Variants in CYP11B1 observed in about 807,000 individuals in gnomAD.
The protein encoded by CYP11B1 is cytochrome P450 family 11 subfamily B member 1, also known as cytochrome P450 11B1, mitochondrial.
In CYP11B1, 34 loss-of-function variants were observed where a neutral mutation model predicts 48.3. The observed-to-expected ratio is 0.70, with a 90% CI of 0.54 to 0.94. The LOEUF is 0.94. CYP11B1 is among the 40% of genes least tolerant of loss of function. The pLI is 0.00. For missense variants in CYP11B1, 688 were observed against 657.4 expected, an observed-to-expected ratio of 1.05 and a Z score of -0.51; for synonymous variants, 291 against 262.5, an observed-to-expected ratio of 1.11 and a Z score of -1.05.
chr8:142,876,109 A>C, intron 5 of CYP11B1, 132 bp downstream of exon 5: 2 of 1,351,522 alleles, frequency 1.5e-6, no homozygotes, highest in Non-Finnish European at 2.1e-6. Flanking sequence ...ATCACATCAC[A>C]ATCCCAAGTA....
intron 2 of CYP11B1, among the ~76,000 whole-genome samples, chr8:142,878,442 G>A (rs1211621921): frequency 3.9e-5 from 6 of 152,090 alleles, no homozygotes; most frequent in Non-Finnish European, 5.9e-5. Context: ...CTGACCAGGC[G>A]CCACCCTCTG....
rs781236242 is a variant in CYP11B1 at position 142,874,336 on chromosome 8, T to C, written c.*37A>G. 6.9e-7 allele frequency: 1 copy of C among 1,456,054 alleles called. No individual in the cohort carries two copies. The highest frequency in any genetic ancestry group is 9.7e-7 in the Non-Finnish European group (1 of 1,035,744). 90.2% of individuals were successfully genotyped at this position (1,456,054 alleles called of 1,614,324 possible). A position where few individuals can be genotyped will look rare whatever the true frequency, so the allele number is the denominator to read the frequency against. ...CCTGGGGTCAGGCAGAAAGGGAGGC[T>C]GGTGGCCAGGCTGGGACCCTGGGTG... is the stretch of plus-strand genomic sequence containing the variant. On this transcript the variant is annotated 3_prime_UTR_variant, in exon 9 of 9. Coordinates refer to ENST00000292427, the MANE Select transcript of CYP11B1 (RefSeq NM_000497.4).
chr8:142,879,716 C>T lies in CYP11B1; in HGVS notation c.98G>A (p.Arg33Lys), dbSNP rs1817086378. 1.2e-6 allele frequency: 2 copies of T among 1,614,258 alleles called. No homozygotes were observed. Among genetic ancestry groups the T allele is most frequent in the African/African-American group, 1.3e-5 (1 of 75,080 alleles). ...ALGTRAARVP[R>K]TVLPFEAMPR... The stretch of plus-strand genomic sequence containing the variant: ...CATGGCTTCAAAGGGCAGCACTGTC[C>T]TGGGGACCCGGGCGGCTCTCGTGCC... The change falls in exon 1 of 9, where the codon AGG becomes AAG. Residue 33 changes from arginine to lysine, a missense_variant. Arg to Lys is a conservative substitution (Grantham distance 26, BLOSUM62 2). Coordinates refer to ENST00000292427, the MANE Select transcript of CYP11B1 (RefSeq NM_000497.4).
Position 142,877,728 on chromosome 8 carries a change from C to A in CYP11B1, c.396-506G>T, listed in dbSNP as rs561219388. On this transcript the variant is annotated intron_variant, in intron 2 of 8. Coordinates refer to ENST00000292427, the MANE Select transcript of CYP11B1 (RefSeq NM_000497.4). ...GTCTGCATCTTCTGCAGGACAGAAA[C>A]CAAGCTTTGTGCTTCATGCCATCCT... is the stretch of plus-strand genomic sequence containing the variant. 181 of 1,592,400 alleles carry A rather than the reference C, an allele frequency of 1.1e-4. 1 individual carries two copies. The highest frequency in any genetic ancestry group is 5.0e-4 in the Middle Eastern group (3 of 5,976).
chr8:142,876,583 C>T, intron 4 of CYP11B1, 99 bp downstream of exon 4: 1 of 1,554,040 alleles, frequency 6.4e-7, no homozygotes, highest in Non-Finnish European at 8.7e-7. Context: ...TCCCCGACCC[C>T]TCCCTGTGGC....
At position 142,876,405 on chromosome 8, in the gene CYP11B1, G is replaced by A. The variant is rs1434060556; in HGVS notation, c.800-10C>T. 2.5e-6 allele frequency: 4 copies of A among 1,612,160 alleles called. No homozygotes were observed. Among genetic ancestry groups the A allele is most frequent in the African/African-American group, 2.7e-5 (2 of 75,002 alleles). On this transcript the variant is annotated splice_polypyrimidine_tract_variant and intron_variant, in intron 4 of 8. Transcript: ENST00000292427. ...TGGATACAGTTGTCGCCTATCCGGG[G>A]AGCGGGAGGCAGCCCTCAGACTTTG...
In CYP11B1 at chr8:142,876,394, G is replaced by A. The variant is rs147004517; in HGVS notation, c.801C>T (p.Gly267=). The A allele has an allele frequency of 6.1e-5, 99 of 1,613,246 alleles. No individual in the cohort carries two copies. The highest frequency in any genetic ancestry group is 3.6e-4 in the African/African-American group (27 of 75,038). ...GATAGATTTTCTGGATACAGTTGTC[G>A]CCTATCCGGGGAGCGGGAGGCAGCC... ...FEAWDCIFQY[G]DNCIQKIYQE... The change falls in exon 5 of 9, where the codon GGC becomes GGT. Residue 267 remains glycine, a splice_region_variant and synonymous_variant. Transcript: ENST00000292427.
In CYP11B1 at chr8:142,875,153, G is replaced by C. The variant is rs1293621967; in HGVS notation, c.1202C>G (p.Thr401Arg). 6.2e-7 allele frequency: 1 copy of C among 1,614,264 alleles called. No individual in the cohort carries two copies. Among genetic ancestry groups the C allele is most frequent in the Non-Finnish European group, 8.5e-7 (1 of 1,180,048 alleles). ...AGAGTAGAGGAACACGCGCACCAAT[G>C]TCTGCGGACGGTGCAGAGCGGGGAT... The part of the protein sequence containing the change: ...VLQNYHIPAG[T>R]LVRVFLYSLG... The change falls in exon 8 of 9, where the codon ACA (threonine) becomes AGA (arginine). Residue 401 changes from threonine to arginine, a missense_variant and splice_region_variant. Thr to Arg is a moderately conservative substitution (Grantham distance 71). Coordinates refer to ENST00000292427, the MANE Select transcript of CYP11B1 (RefSeq NM_000497.4).
chr8:142,879,638 T>C lies in CYP11B1; in HGVS notation c.176A>G (p.Gln59Arg). 6 of 1,614,218 alleles carry C rather than the reference T, an allele frequency of 3.7e-6. No homozygotes were observed. Among genetic ancestry groups the C allele is most frequent in the Non-Finnish European group, 5.1e-6 (6 of 1,180,048 alleles). ...WLRLLQIWRE[Q>R]GYEDLHLEVH... The stretch of plus-strand genomic sequence containing the variant: ...TTCCAGGTGCAGGTCCTCATAACCC[T>C]GCTCCCTCCAGATCTGCAGCAGCCT... The change falls in exon 1 of 9, where the codon CAG (glutamine) becomes CGG (arginine). Residue 59 changes from glutamine to arginine, a missense_variant. By Grantham distance (43) the Gln-to-Arg change is conservative (BLOSUM62 1). Coordinates refer to ENST00000292427, the MANE Select transcript of CYP11B1 (RefSeq NM_000497.4).
chr8:142,874,368 C>A lies in CYP11B1; in HGVS notation c.*5G>T. 1 of 1,605,212 alleles carries A rather than the reference C, an allele frequency of 6.2e-7. No individual in the cohort carries two copies. The highest frequency in any genetic ancestry group is 8.5e-7 in the Non-Finnish European group (1 of 1,171,984). Reference sequence around the variant, plus strand: ...CAGGCTGGGACCCTGGGTGCAGAGACGTGATTAGTTGATGGCTCTGAAGGT... The same window carrying A: ...CAGGCTGGGACCCTGGGTGCAGAGAAGTGATTAGTTGATGGCTCTGAAGGT... On this transcript the variant is annotated 3_prime_UTR_variant, in exon 9 of 9. Coordinates refer to ENST00000292427, the MANE Select transcript of CYP11B1 (RefSeq NM_000497.4).
At position 142,874,180 on chromosome 8, in the gene CYP11B1, T is replaced by A. The variant is rs61752798; in HGVS notation, c.*193A>T. The A allele has an allele frequency of 3.6e-3, 2,257 of 630,820 alleles. 44 individuals are homozygous for A. In the African/African-American group the frequency reaches 0.036, roughly 10 times the overall value. The allele number at this position is 630,820 out of a possible 1,614,324, so 39.1% of individuals were successfully genotyped here. ...CAAGGTCAGCAAGATCTTCCCCAGC[T>A]GTGCCCTGGCATTGCTGCTTAGCCT... On this transcript the variant is annotated 3_prime_UTR_variant, in exon 9 of 9. Transcript: ENST00000292427.
chr8:142,879,690 G>A lies in CYP11B1; in HGVS notation c.124C>T (p.Pro42Ser), dbSNP rs104894069. The change falls in exon 1 of 9, where the codon CCC becomes TCC. Residue 42 changes from proline (P) to serine (S), a missense_variant. Coordinates refer to ENST00000292427, the MANE Select transcript of CYP11B1 (RefSeq NM_000497.4). ...AGCCACCTGTTGCCTGGACGCCGGG[G>A]CATGGCTTCAAAGGGCAGCACTGTC... Reference protein sequence around the residue: ...PRTVLPFEAMPRRPGNRWLRL... With the variant: ...PRTVLPFEAMSRRPGNRWLRL... The A allele has an allele frequency of 4.2e-5, 67 of 1,614,124 alleles. No homozygotes were observed. The highest frequency in any genetic ancestry group is 5.6e-5 in the Non-Finnish European group (66 of 1,180,054).
At position 142,875,111 on chromosome 8, in the gene CYP11B1, G is replaced by T. The variant is rs1816893777; in HGVS notation, c.1244C>A (p.Ala415Asp). 4 of 1,614,146 alleles carry T rather than the reference G, an allele frequency of 2.5e-6. No individual in the cohort carries two copies. In the Admixed American group the frequency reaches 5.0e-5, roughly 20 times the overall value. ...VFLYSLGRNP[A>D]LFPRPERYNP... is the part of the protein sequence containing the mutation. ...ATAGCGCTCAGGCCTCGGGAACAAG[G>T]CGGGGTTGCGACCCAGAGAGTAGAG... The change falls in exon 8 of 9, where the codon GCC becomes GAC. Residue 415 changes from alanine (A) to aspartate (D), a missense_variant. Physicochemically the swap from Ala to Asp is moderately radical, Grantham distance 126. Transcript: ENST00000292427.
Position 142,874,225 on chromosome 8 carries a change from G to T in CYP11B1, c.*148C>A. The T allele has an allele frequency of 1.4e-6, 1 of 700,254 alleles. No individual in the cohort carries two copies. Among genetic ancestry groups the T allele is most frequent in the Non-Finnish European group, 2.6e-6 (1 of 379,390 alleles). The allele number at this position is 700,254 out of a possible 1,614,324, so 43.4% of individuals were successfully genotyped here. ...TAGCCTGGCAAACCCTGGTCCTAGA[G>T]GCCCTCGGGAGTTCCATTTGTGCTG... is the stretch of plus-strand genomic sequence containing the variant. On this transcript the variant is annotated 3_prime_UTR_variant, in exon 9 of 9. Coordinates refer to ENST00000292427, the MANE Select transcript of CYP11B1 (RefSeq NM_000497.4).
intron 2 of CYP11B1, among the ~76,000 whole-genome samples, chr8:142,878,221 C>T (rs1483211754): frequency 6.6e-6 from 1 of 152,196 alleles, no homozygotes; most frequent in Non-Finnish European, 1.5e-5. Context: ...GTCCTGACTC[C>T]CTCCCAGATG....
Position 142,879,762 on chromosome 8 carries a change from G to A in CYP11B1, c.52C>T (p.Leu18=), listed in dbSNP as rs1410865046. Residue 18 remains leucine, a synonymous_variant, in exon 1 of 9, where the codon CTG becomes TTG. Transcript: ENST00000292427. ...GTGCCCAGTGCCTGTGCCCTTTGCA[G>A]GGACAGCCAGGGCACTGCCATGCAC... ...EVCMAVPWLS[L]QRAQALGTRA... The A allele has an allele frequency of 6.2e-7, 1 of 1,614,176 alleles. No homozygotes were observed. The highest frequency in any genetic ancestry group is 2.2e-5 in the East Asian group (1 of 44,886).
At chr8:142,876,175 G>A in intron 5 of CYP11B1, 66 bp downstream of exon 5, 3 of 1,606,884 alleles carry the variant, frequency 1.9e-6, no homozygotes, top group Non-Finnish European at 2.6e-6. Flanking sequence ...TGTGACATTG[G>A]CAGGCAGTGC....
chr8:142,877,511 C>A (rs1326768591), intron 2 of CYP11B1, among the ~76,000 whole-genome samples: 5 of 152,214 alleles, frequency 3.3e-5, no homozygotes, highest in African/African-American at 1.2e-4. Context: ...AGTCTGGCAC[C>A]ACCTCACCCA....
intron 2 of CYP11B1, among the ~76,000 whole-genome samples, chr8:142,878,213 CCTGACTCCCTCCCAGATGTCGT>C (rs1267731878): frequency 6.6e-6 from 1 of 152,186 alleles, no homozygotes; most frequent in African/African-American, 2.4e-5. Context: ...CTTCCTGGGT[CCTGACTCCCTCCCAGATGTCGT>C]CTGTAGGCCA....
Sources: allele counts gnomAD v4.1 joint callset (sites outside exome capture counted in the v4.1 genomes callset), GRCh38; gene constraint gnomAD v4.1.1; transcripts MANE v1.5; gene names NCBI Gene and HGNC (gene_info 2026-07-23, HGNC 2026-07-21).